SYNPR: variants seen among roughly 807,000 people sequenced by gnomAD.
The protein encoded by SYNPR is synaptoporin.
A neutral mutation model predicts 32.9 loss-of-function variants in SYNPR; 23 were observed. The ratio of observed to expected loss-of-function variants is 0.70; its 90% CI spans 0.50 to 0.99. The LOEUF (loss-of-function observed/expected upper bound fraction) is 0.99, where lower values mean the gene tolerates loss of function less well. Ranked by LOEUF, SYNPR falls within the 50% of genes least tolerant of loss-of-function variation. SYNPR has a pLI of 0.00. For synonymous variants in SYNPR, 146 were observed against 135.9 expected (o/e 1.07, Z -0.52); for missense variants, 318 against 349.3 (o/e 0.91, Z 0.71).
At chr3:63,236,324 AT>A (rs1023923063) in intron 1 of SYNPR, among the ~76,000 whole-genome samples, 10 of 151,282 alleles carry the variant, frequency 6.6e-5, no homozygotes, top group East Asian at 1.9e-4. Flanking sequence ...CTCCCACTAT[AT>A]TTTTTTTGAT....
chr3:63,417,013 A>G (rs753783799), intron 2 of SYNPR, among the ~76,000 whole-genome samples: 19 of 152,156 alleles, frequency 1.2e-4, no homozygotes, highest in Non-Finnish European at 2.2e-4. Flanking sequence ...ACAGTCCCCC[A>G]AAGGCTTAAC....
the SYNPR span, among the ~76,000 whole-genome samples, chr3:63,207,400 T>G: frequency 6.6e-6 from 1 of 152,194 alleles, no homozygotes; most frequent in African/African-American, 2.4e-5. Flanking sequence ...AGCAGGTGGA[T>G]TTAATCTTTG....
intron 2 of SYNPR, among the ~76,000 whole-genome samples, chr3:63,441,445 T>C (rs1700170365): frequency 6.6e-6 from 1 of 152,216 alleles, no homozygotes. Flanking sequence ...GACCCTACTC[T>C]GACTCTGCCC....
rs543415185 is a variant in SYNPR, at chr3:63,551,394, G to A, written c.210-5149G>A. Among the ~76,000 whole-genome samples the A allele has an allele frequency of 1.1e-3, 167 of 152,238 alleles. 1 individual carries two copies. The Middle Eastern group carries it at 0.027, about 25-fold the overall frequency. On this transcript the variant is annotated intron_variant, in intron 3 of 5. Transcript: ENST00000478300. The stretch of plus-strand genomic sequence containing the variant: ...TGTGAACACTCTTGTACAAGATTTT[G>A]TGTAGACAAATGTTATCATTTCTCT...
At chr3:63,327,716 T>A (rs2087182453) in intron 2 of SYNPR, among the ~76,000 whole-genome samples, 1 of 152,158 alleles carries the variant, frequency 6.6e-6, no homozygotes, top group Non-Finnish European at 1.5e-5. Context: ...CAATTTGTGT[T>A]CAAAAATATT....
rs567450979 is a variant in SYNPR, at chr3:63,314,381, T to C, written c.84+35639T>C. On this transcript the variant is annotated intron_variant, in intron 2 of 5. Coordinates refer to ENST00000478300, the MANE Select transcript of SYNPR (RefSeq NM_001130003.2). ...TCACTGCATCCATGCCAACATCTAC[T>C]GTTTTTTGATTCTTTTGATTATGGC... 1.6e-4 allele frequency among the ~76,000 whole-genome samples: 24 copies of C among 151,902 alleles called. No individual in the cohort carries two copies. The East Asian group carries it at 4.7e-3, about 30-fold the overall frequency.
At chr3:63,512,913 T>C (rs1247654923) in intron 3 of SYNPR, among the ~76,000 whole-genome samples, 1 of 152,126 alleles carries the variant, frequency 6.6e-6, no homozygotes, top group Non-Finnish European at 1.5e-5. Context: ...ATCTAAATTT[T>C]AAAAGTCCTT....
chr3:63,470,224 G>A (rs867177763), intron 2 of SYNPR, among the ~76,000 whole-genome samples: 3 of 152,086 alleles, frequency 2.0e-5, no homozygotes, highest in African/African-American at 7.2e-5. Flanking sequence ...TTACAAAAAT[G>A]CAATACATGT....
chr3:63,612,978 CTT>C (rs112429043), intron 5 of SYNPR, among the ~76,000 whole-genome samples: 2 of 129,958 alleles, frequency 1.5e-5, no homozygotes, highest in Non-Finnish European at 3.3e-5. Context: ...TTCCTTTTTT[CTT>C]TTTTTTTTTG....
intron 2 of SYNPR, among the ~76,000 whole-genome samples, chr3:63,477,406 G>A (rs1700948813): frequency 6.6e-6 from 1 of 152,194 alleles, no homozygotes; most frequent in African/African-American, 2.4e-5. Context: ...CAATCATATA[G>A]TATGATTTCC....
chr3:63,259,277 G>T (rs1426848582), intron 2 of SYNPR, among the ~76,000 whole-genome samples: 2 of 152,058 alleles, frequency 1.3e-5, no homozygotes, highest in African/African-American at 4.8e-5. Context: ...AAAAAAAAGA[G>T]AATTTTAGAC....
At chr3:63,369,203 C>A (rs1201891993) in intron 2 of SYNPR, among the ~76,000 whole-genome samples, 6 of 152,148 alleles carry the variant, frequency 3.9e-5, no homozygotes, top group Admixed American at 6.5e-5. Context: ...GAAGAGGCAA[C>A]AAGAGGGTGG....
At chr3:63,382,850 T>C (rs2087989556) in intron 2 of SYNPR, among the ~76,000 whole-genome samples, 1 of 152,242 alleles carries the variant, frequency 6.6e-6, no homozygotes, top group Admixed American at 6.5e-5. Flanking sequence ...CATTTACTTA[T>C]TGAAGAGAGG....
intron 3 of SYNPR, among the ~76,000 whole-genome samples, chr3:63,538,945 C>T (rs1317754976): frequency 6.6e-6 from 1 of 151,992 alleles, no homozygotes; most frequent in Non-Finnish European, 1.5e-5. Context: ...TCTATAGTAA[C>T]CAAATCATCC....
intron 3 of SYNPR, among the ~76,000 whole-genome samples, chr3:63,530,574 T>C (rs113706388): frequency 0.015 from 2,322 of 152,312 alleles, 49 homozygotes; most frequent in African/African-American, 0.049. Context: ...GTTCCATTAA[T>C]AGTAGCTATA....
chr3:63,300,466 A>C (rs1226726258), intron 2 of SYNPR, among the ~76,000 whole-genome samples: 2 of 152,084 alleles, frequency 1.3e-5, no homozygotes, highest in Non-Finnish European at 1.5e-5. Flanking sequence ...TAAGGATAAA[A>C]TAATTGTGAG....
chr3:63,378,811 G>C (rs544547384), intron 2 of SYNPR, among the ~76,000 whole-genome samples: 18 of 149,380 alleles, frequency 1.2e-4, no homozygotes, highest in Non-Finnish European at 2.4e-4. Context: ...TTAATTATTT[G>C]CTTCCTTTTC....
chr3:63,408,938 C>T (rs372997195), intron 2 of SYNPR, among the ~76,000 whole-genome samples: 62 of 152,230 alleles, frequency 4.1e-4, no homozygotes, highest in African/African-American at 1.4e-3. Flanking sequence ...CTCTGCCCTC[C>T]ACTCTTCTTC....
chr3:63,398,248 A>C (rs996401802), intron 2 of SYNPR, among the ~76,000 whole-genome samples: 3 of 152,238 alleles, frequency 2.0e-5, no homozygotes, highest in African/African-American at 7.2e-5. Flanking sequence ...AAGAGCTGGC[A>C]CTTGGCAGCA....
Sources: gnomAD v4.1 joint callset for allele counts (sites outside exome capture counted in the v4.1 genomes callset) on GRCh38, gnomAD v4.1.1 for gene constraint, MANE v1.5 for transcripts, NCBI Gene and HGNC (gene_info 2026-07-23, HGNC 2026-07-21) for gene names.